Variants in LRRC37A observed in about 807,000 individuals in gnomAD.
LRRC37A encodes leucine-rich repeat-containing protein 37A.
In LRRC37A, 3 loss-of-function variants were observed where a neutral mutation model predicts 35.4. The observed-to-expected ratio is 0.08, with a 90% CI of 0.04 to 0.22. LRRC37A has a LOEUF of 0.22. Ranked by LOEUF, LRRC37A falls within the 10% of genes least tolerant of loss-of-function variation. The probability of loss-of-function intolerance (pLI) is 1.00; values close to 1 mark genes in which losing one functional copy is unlikely to be tolerated. For missense variants in LRRC37A, 67 were observed against 565.3 expected, an observed-to-expected ratio of 0.12 and a Z score of 8.94; for synonymous variants, 23 against 215.0, an observed-to-expected ratio of 0.11 and a Z score of 7.81.
chr17:46,274,460 T>G, the LRRC37A span, among the ~76,000 whole-genome samples: 1 of 152,182 alleles, frequency 6.6e-6, no homozygotes, highest in Non-Finnish European at 1.5e-5. Context: ...TGATTCGCAG[T>G]TGTGTGTGTG....
chr17:46,286,286 T>C, the LRRC37A span, among the ~76,000 whole-genome samples: 12 of 152,178 alleles, frequency 7.9e-5, no homozygotes, highest in Non-Finnish European at 8.8e-5. Flanking sequence ...GTAAAAAAAT[T>C]TATAAGAACA....
the LRRC37A span, chr17:46,274,643 A>G: frequency 1.3e-5 from 2 of 152,694 alleles, no homozygotes; most frequent in African/African-American, 2.4e-5. Context: ...ATAAAAAAGC[A>G]TCTTTTTTGC....
At chr17:46,270,216 C>T in the LRRC37A span, among the ~76,000 whole-genome samples, 1 of 152,216 alleles carries the variant, frequency 6.6e-6, no homozygotes, top group Non-Finnish European at 1.5e-5. Context: ...AGAATGTGTC[C>T]TGACGCTGTC....
upstream of LRRC37A, among the ~76,000 whole-genome samples, chr17:46,290,463 C>T (rs1206176821): frequency 5.3e-5 from 8 of 152,164 alleles, no homozygotes; most frequent in Non-Finnish European, 7.3e-5. Flanking sequence ...TCTGAAGCTA[C>T]AGTTTTTTGT....
At chr17:46,308,948 A>C (rs1211668698) in intron 5 of LRRC37A, among the ~76,000 whole-genome samples, 1 of 68,108 alleles carries the variant, frequency 1.5e-5, no homozygotes, top group African/African-American at 3.8e-5. Flanking sequence ...TTTACTAGAT[A>C]AGGCTCAGGC....
the LRRC37A span, among the ~76,000 whole-genome samples, chr17:46,278,401 G>GTTTTTTTTTTTTTTT: frequency 1.5e-5 from 2 of 129,628 alleles, no homozygotes; most frequent in Non-Finnish European, 1.6e-5. Flanking sequence ...GTTTTATTTT[G>GTTTTTTTTTTTTTTT]TTTTTTTTTT....
upstream of LRRC37A, among the ~76,000 whole-genome samples, chr17:46,288,535 C>T (rs1381184662): frequency 2.6e-5 from 4 of 151,906 alleles, no homozygotes; most frequent in African/African-American, 9.7e-5. Context: ...TGACTTCAGG[C>T]GATCCACCTG....
At chr17:46,274,960 T>G in the LRRC37A span, 1 of 154,712 alleles carries the variant, frequency 6.5e-6, no homozygotes, top group African/African-American at 2.4e-5. Flanking sequence ...TGGCTCAATC[T>G]CGGCTCAATA....
the LRRC37A span, among the ~76,000 whole-genome samples, chr17:46,279,702 C>G: frequency 6.6e-6 from 1 of 151,878 alleles, no homozygotes; most frequent in African/African-American, 2.4e-5. Context: ...CCTCATGTTG[C>G]CCGGGCTGGT....
the LRRC37A span, among the ~76,000 whole-genome samples, chr17:46,282,126 G>A: frequency 6.6e-6 from 1 of 150,616 alleles, no homozygotes; most frequent in South Asian, 2.1e-4. Flanking sequence ...TTTTTGAGAC[G>A]GAGTCTCGCT....
chr17:46,288,706 CT>C (rs199591277), upstream of LRRC37A, among the ~76,000 whole-genome samples: 16,356 of 138,298 alleles, frequency 0.12, 1,017 homozygotes, highest in East Asian at 0.27. Flanking sequence ...CTTGTTTTTT[CT>C]TTTTTTTTTT....
chr17:46,273,188 G>A, the LRRC37A span, among the ~76,000 whole-genome samples: 12 of 152,184 alleles, frequency 7.9e-5, no homozygotes, highest in Non-Finnish European at 1.6e-4. Context: ...GTGATGAGAT[G>A]CAGAATAATT....
the LRRC37A span, among the ~76,000 whole-genome samples, chr17:46,275,809 T>C: frequency 0.12 from 18,467 of 152,074 alleles, no homozygotes; most frequent in Non-Finnish European, 0.18. Flanking sequence ...AAAATTATGC[T>C]AAAACAAAAG....
rs1243293955 is a variant in LRRC37A at position 46,323,955 on chromosome 17, A to T, written c.3053+928A>T. ...AGTATACCTGAGGCTGTATACAAAC[A>T]TTATGTCATTTCATAAAAAAGACCT... On this transcript the variant is annotated intron_variant, in intron 7 of 13. Transcript: ENST00000320254. 3.9e-5 allele frequency among the ~76,000 whole-genome samples: 4 copies of T among 101,592 alleles called. 2 individuals carry two copies. The highest frequency in any genetic ancestry group is 1.0e-3 in the South Asian group (2 of 2,000). 66.6% of individuals were successfully genotyped at this position (101,592 alleles called of 152,430 possible).
chr17:46,312,734 A>G (rs1318199220), intron 5 of LRRC37A, among the ~76,000 whole-genome samples: 1 of 71,720 alleles, frequency 1.4e-5, no homozygotes, highest in Non-Finnish European at 2.8e-5. Flanking sequence ...ATCACGAAGG[A>G]TATTTAAAGC....
At chr17:46,257,722 T>C in the LRRC37A span, among the ~76,000 whole-genome samples, 1 of 150,306 alleles carries the variant, frequency 6.7e-6, no homozygotes, top group Non-Finnish European at 1.5e-5. Context: ...CTTGGGAGGC[T>C]GAGATGGGAG....
At position 46,307,749 on chromosome 17, in the gene LRRC37A, G is replaced by A. The variant is rs2050615797; in HGVS notation, c.2906+1440G>A. 2.5e-5 allele frequency among the ~76,000 whole-genome samples: 2 copies of A among 79,132 alleles called. 1 individual carries two copies. The highest frequency in any genetic ancestry group is 7.8e-5 in the Non-Finnish European group (2 of 25,744). The allele number at this position is 79,132 out of a possible 152,430, so 51.9% of individuals were successfully genotyped here. On this transcript the variant is annotated intron_variant, in intron 5 of 13. Coordinates refer to ENST00000320254, the Ensembl canonical transcript of LRRC37A. ...TAAAAATCTGGTGGCCGGGAGCGGT[G>A]GCTCATGCCTGTAATTCCAGCACTT... is the stretch of plus-strand genomic sequence containing the variant.
the LRRC37A span, among the ~76,000 whole-genome samples, chr17:46,279,793 C>A: frequency 1.3e-5 from 2 of 152,232 alleles, no homozygotes; most frequent in South Asian, 2.1e-4. Context: ...CCATTCCCAG[C>A]CAACAGGCCC....
At chr17:46,269,548 G>A in the LRRC37A span, among the ~76,000 whole-genome samples, 1 of 152,188 alleles carries the variant, frequency 6.6e-6, no homozygotes, top group Non-Finnish European at 1.5e-5. Flanking sequence ...GTACAAAAGG[G>A]CCAGTGTGCG....
Sources: allele counts gnomAD v4.1 joint callset (sites outside exome capture counted in the v4.1 genomes callset), GRCh38; gene constraint gnomAD v4.1.1; transcripts MANE v1.5; gene names NCBI Gene and HGNC (gene_info 2026-07-23, HGNC 2026-07-21).